MGAT4C: variants seen among roughly 807,000 people sequenced by gnomAD.
MGAT4C encodes the protein MGAT4 family member C, also known as alpha-1,3-mannosyl-glycoprotein 4-beta-N-acetylglucosaminyltransferase C.
A neutral mutation model predicts 40.1 loss-of-function variants in MGAT4C; 19 were observed. The ratio of observed to expected loss-of-function variants is 0.47; its 90% CI spans 0.33 to 0.70. The LOEUF is 0.70. MGAT4C is among the 30% of genes least tolerant of loss of function. The pLI is 0.02. For missense variants in MGAT4C, 491 were observed against 563.2 expected, an observed-to-expected ratio of 0.87 and a Z score of 1.30; for synonymous variants, 181 against 187.1, an observed-to-expected ratio of 0.97 and a Z score of 0.27.
intron 1 of MGAT4C, among the ~76,000 whole-genome samples, chr12:86,767,391 G>T (rs1023596162): frequency 2.0e-5 from 3 of 152,028 alleles, no homozygotes; most frequent in African/African-American, 7.2e-5. Context: ...CAACCAAAAA[G>T]AGTCCAGGAC....
chr12:86,527,692 T>C (rs1958909985), intron 2 of MGAT4C, among the ~76,000 whole-genome samples: 1 of 152,220 alleles, frequency 6.6e-6, no homozygotes, highest in Admixed American at 6.5e-5. Flanking sequence ...GTCTAGTTTT[T>C]CTTATACATA....
At position 86,314,812 on chromosome 12, in the gene MGAT4C, G is replaced by C. The variant is rs141267735; in HGVS notation, c.-57+19253C>G. Among the ~76,000 whole-genome samples the C allele has an allele frequency of 3.2e-4, 48 of 152,208 alleles. 1 individual carries two copies. Among genetic ancestry groups the C allele is most frequent in the African/African-American group, 8.2e-4 (34 of 41,538 alleles). On this transcript the variant is annotated intron_variant, in intron 4 of 7. Coordinates refer to the MGAT4C transcript ENST00000548651. The stretch of plus-strand genomic sequence containing the variant: ...TAAGTAGGTGAAAGATCTCTACATG[G>C]AGCACTACAAAACACTGCTGAAAGA...
chr12:86,232,740 G>C (rs1566188576), intron 1 of MGAT4C, among the ~76,000 whole-genome samples: 1 of 152,182 alleles, frequency 6.6e-6, no homozygotes, highest in African/African-American at 2.4e-5. Context: ...GAATCAATGA[G>C]TATGTGTGTA....
intron 4 of MGAT4C, among the ~76,000 whole-genome samples, chr12:86,330,239 C>T (rs1954631361): frequency 1.3e-5 from 2 of 152,064 alleles, no homozygotes; most frequent in Non-Finnish European, 2.9e-5. Flanking sequence ...ACAGGCCTTG[C>T]CAAGTTACTC....
intron 1 of MGAT4C, among the ~76,000 whole-genome samples, chr12:86,188,485 T>C (rs1214022221): frequency 1.3e-5 from 2 of 151,832 alleles, no homozygotes; most frequent in Non-Finnish European, 2.9e-5. Flanking sequence ...GTCTTTAGAT[T>C]CTTAGGCACT....
intron 3 of MGAT4C, among the ~76,000 whole-genome samples, chr12:86,380,789 C>G (rs1361884983): frequency 6.6e-6 from 1 of 152,112 alleles, no homozygotes; most frequent in Non-Finnish European, 1.5e-5. Context: ...GATTGGCTAA[C>G]AATCCCAAGC....
chr12:86,238,492 G>C (rs909170893), intron 1 of MGAT4C, among the ~76,000 whole-genome samples: 5 of 152,010 alleles, frequency 3.3e-5, no homozygotes, highest in African/African-American at 1.2e-4. Context: ...CATGGTTTCA[G>C]GGTTAGCAGT....
intron 2 of MGAT4C, among the ~76,000 whole-genome samples, chr12:85,994,555 C>T (rs1886381873): frequency 6.6e-6 from 1 of 151,930 alleles, no homozygotes; most frequent in African/African-American, 2.4e-5. Context: ...CACACTCCTC[C>T]CCCACCTCAA....
At chr12:86,717,671 A>T (rs1349853393) in intron 2 of MGAT4C, among the ~76,000 whole-genome samples, 3 of 152,210 alleles carry the variant, frequency 2.0e-5, no homozygotes, top group African/African-American at 7.2e-5. Flanking sequence ...GGAAGATAAC[A>T]TAAAAATCAG....
At position 86,801,598 on chromosome 12, in the gene MGAT4C, G is replaced by A. The variant is rs529148641; in HGVS notation, c.-262+37068C>T. On this transcript the variant is annotated intron_variant, in intron 1 of 7. Coordinates refer to the MGAT4C transcript ENST00000548651. Reference sequence around the variant, plus strand: ...ATGATAATGAGGGCTAAGGTGAAGGGGAGTACAGATGGGCAGCTGATGACT... The same window carrying A: ...ATGATAATGAGGGCTAAGGTGAAGGAGAGTACAGATGGGCAGCTGATGACT... 2.6e-5 allele frequency among the ~76,000 whole-genome samples: 4 copies of A among 151,766 alleles called. No homozygotes were observed. In the South Asian group the frequency reaches 8.3e-4, roughly 32 times the overall value.
At chr12:86,217,265 C>G (rs1167638754) in intron 1 of MGAT4C, among the ~76,000 whole-genome samples, 1 of 152,160 alleles carries the variant, frequency 6.6e-6, no homozygotes, top group Non-Finnish European at 1.5e-5. Context: ...ACTTCAGCCT[C>G]CCAGGCTCAA....
chr12:86,499,808 G>A (rs753648438), intron 2 of MGAT4C, among the ~76,000 whole-genome samples: 1 of 151,874 alleles, frequency 6.6e-6, no homozygotes, highest in African/African-American at 2.4e-5. Context: ...TGAACAACTA[G>A]AGAAGAGAAA....
intron 2 of MGAT4C, among the ~76,000 whole-genome samples, chr12:86,475,899 TTC>T (rs1295363200): frequency 6.6e-6 from 1 of 152,086 alleles, no homozygotes; most frequent in Non-Finnish European, 1.5e-5. Context: ...TACCGAGAAT[TTC>T]TGTGTTATTT....
intron 2 of MGAT4C, among the ~76,000 whole-genome samples, chr12:86,559,701 T>G (rs1033180188): frequency 6.6e-6 from 1 of 151,716 alleles, no homozygotes. Flanking sequence ...TCAAAAAGGA[T>G]AAATTTTAAA....
chr12:86,157,746 G>A (rs987282693), intron 1 of MGAT4C, among the ~76,000 whole-genome samples: 13 of 152,120 alleles, frequency 8.5e-5, no homozygotes, highest in Non-Finnish European at 1.6e-4. Context: ...GAGAGTGGGC[G>A]AAGAAGGACG....
chr12:86,648,470 G>T (rs1229641613), intron 2 of MGAT4C, among the ~76,000 whole-genome samples: 1 of 151,798 alleles, frequency 6.6e-6, no homozygotes, highest in Non-Finnish European at 1.5e-5. Context: ...GGCTTTCATG[G>T]TGAAATTAAT....
At chr12:86,764,525 A>C (rs1189402584) in intron 1 of MGAT4C, among the ~76,000 whole-genome samples, 1 of 127,928 alleles carries the variant, frequency 7.8e-6, no homozygotes, top group East Asian at 2.4e-4. Flanking sequence ...TTCTCCCAGC[A>C]CGCAGCTGGA....
intron 1 of MGAT4C, among the ~76,000 whole-genome samples, chr12:86,826,013 A>C (rs1593242878): frequency 6.6e-6 from 1 of 151,450 alleles, no homozygotes; most frequent in South Asian, 2.1e-4. Context: ...GGGTGACACC[A>C]GAGTACTAGA....
intron 2 of MGAT4C, among the ~76,000 whole-genome samples, chr12:86,031,110 AT>A (rs143893338): frequency 0.059 from 8,914 of 150,504 alleles, 355 homozygotes; most frequent in Non-Finnish European, 0.085. Flanking sequence ...ATTATAAATA[AT>A]TTTTTTTTTC....
Sources: gnomAD v4.1 joint callset for allele counts (sites outside exome capture counted in the v4.1 genomes callset) on GRCh38, gnomAD v4.1.1 for gene constraint, MANE v1.5 for transcripts, NCBI Gene and HGNC (gene_info 2026-07-23, HGNC 2026-07-21) for gene names.